UNC13C: variants seen among roughly 807,000 people sequenced by gnomAD.
UNC13C encodes unc-13 homolog C.
A neutral mutation model predicts 245.4 loss-of-function variants in UNC13C; 174 were observed. The ratio of observed to expected loss-of-function variants is 0.71; its 90% CI spans 0.63 to 0.80. The LOEUF (loss-of-function observed/expected upper bound fraction) is 0.80. UNC13C is among the 30% of genes least tolerant of loss of function. UNC13C has a pLI of 0.00. For missense variants in UNC13C, 2,829 were observed against 2,602.9 expected, an observed-to-expected ratio of 1.09 and a Z score of -1.89; for synonymous variants, 992 against 895.1, an observed-to-expected ratio of 1.11 and a Z score of -1.93.
chr15:54,043,295 C>G (rs940781997), intron 2 of UNC13C, among the ~76,000 whole-genome samples: 1 of 152,182 alleles, frequency 6.6e-6, no homozygotes. Flanking sequence ...ATTTGGGCAA[C>G]ATTTACACTG....
chr15:54,472,255 T>A (rs1567304935), intron 19 of UNC13C, among the ~76,000 whole-genome samples: 1 of 151,780 alleles, frequency 6.6e-6, no homozygotes. Flanking sequence ...TTTCCTCTTC[T>A]CCTTGTTTGT....
At chr15:54,405,332 G>C (rs2040269072) in intron 18 of UNC13C, among the ~76,000 whole-genome samples, 1 of 152,032 alleles carries the variant, frequency 6.6e-6, no homozygotes, top group South Asian at 2.1e-4. Context: ...ATATTATACT[G>C]CTATGTATTA....
the UNC13C span, among the ~76,000 whole-genome samples, chr15:53,964,048 C>G: frequency 6.6e-6 from 1 of 152,062 alleles, no homozygotes; most frequent in African/African-American, 2.4e-5. Context: ...AAGAAATGGT[C>G]TTTACCCATT....
chr15:54,218,922 C>G (rs781589943), intron 4 of UNC13C, among the ~76,000 whole-genome samples: 27 of 152,116 alleles, frequency 1.8e-4, no homozygotes, highest in African/African-American at 6.3e-4. Flanking sequence ...AGGAGAACTA[C>G]AAACCACTGC....
chr15:54,338,552 T>C (rs2038650593), intron 17 of UNC13C, 63 bp downstream of exon 17: 2 of 1,561,628 alleles, frequency 1.3e-6, no homozygotes, highest in Non-Finnish European at 1.8e-6. Flanking sequence ...TTTCCATAAG[T>C]TTAGCATAAT....
At chr15:53,915,539 A>G in the UNC13C span, among the ~76,000 whole-genome samples, 2 of 152,210 alleles carry the variant, frequency 1.3e-5, no homozygotes, top group African/African-American at 4.8e-5. Context: ...GTAATACGTA[A>G]TGTTTTCATA....
chr15:53,944,026 G>A, the UNC13C span, among the ~76,000 whole-genome samples: 1 of 151,802 alleles, frequency 6.6e-6, no homozygotes, highest in African/African-American at 2.4e-5. Context: ...GAAGTTTCTG[G>A]TAGACAGCAT....
chr15:54,342,031 C>G (rs1229151434), intron 17 of UNC13C, among the ~76,000 whole-genome samples: 1 of 151,790 alleles, frequency 6.6e-6, no homozygotes, highest in Non-Finnish European at 1.5e-5. Flanking sequence ...CATCCTACTC[C>G]TTTTTTGTCC....
chr15:54,412,357 A>G (rs2040433472), intron 18 of UNC13C, among the ~76,000 whole-genome samples: 1 of 152,158 alleles, frequency 6.6e-6, no homozygotes, highest in Non-Finnish European at 1.5e-5. Context: ...ACAAGGCAGG[A>G]GGAGAGAGGC....
chr15:54,579,319 T>C (rs1898101106), intron 30 of UNC13C, among the ~76,000 whole-genome samples: 1 of 152,150 alleles, frequency 6.6e-6, no homozygotes. Flanking sequence ...GAATTATAAT[T>C]TTATTTAAAA....
At chr15:54,007,108 T>A (rs1398133026) in intron 1 of UNC13C, among the ~76,000 whole-genome samples, 1 of 152,210 alleles carries the variant, frequency 6.6e-6, no homozygotes, top group Non-Finnish European at 1.5e-5. Flanking sequence ...TTGAAAGAAT[T>A]TCTTTTAAAT....
chr15:54,332,305 C>CTGTGTGTGTGTGTGTGTGTGTGTGTGTG (rs34179914), intron 15 of UNC13C, among the ~76,000 whole-genome samples, 194 bp downstream of exon 15: 6 of 145,676 alleles, frequency 4.1e-5, no homozygotes, highest in African/African-American at 1.5e-4. Flanking sequence ...CAACAATACT[C>CTGTGTGTGTGTGTGTGTGTGTGTGTGTG]TGTGTGTGTG....
chr15:54,172,628 AT>A (rs1294604781), intron 4 of UNC13C, among the ~76,000 whole-genome samples: 3 of 148,034 alleles, frequency 2.0e-5, no homozygotes, highest in Admixed American at 6.8e-5. Context: ...TTCTATAAAT[AT>A]TTTTATATGA....
intron 17 of UNC13C, among the ~76,000 whole-genome samples, chr15:54,362,064 C>T (rs1434344381): frequency 6.6e-6 from 1 of 152,184 alleles, no homozygotes; most frequent in Non-Finnish European, 1.5e-5. Context: ...CCTACTGTAG[C>T]TCTATGGCTC....
At chr15:54,242,011 A>G (rs986908690) in intron 7 of UNC13C, among the ~76,000 whole-genome samples, 3 of 152,216 alleles carry the variant, frequency 2.0e-5, no homozygotes, top group African/African-American at 7.2e-5. Context: ...TGTAGGGCCT[A>G]GGGCAAGTTA....
intron 4 of UNC13C, among the ~76,000 whole-genome samples, chr15:54,183,356 T>C (rs1208130722): frequency 2.0e-5 from 3 of 151,082 alleles, no homozygotes; most frequent in Admixed American, 6.7e-5. Flanking sequence ...GAGAATGTTT[T>C]CTGAATTTAG....
intron 19 of UNC13C, among the ~76,000 whole-genome samples, chr15:54,470,561 T>C (rs189226733): frequency 4.0e-5 from 6 of 151,714 alleles, no homozygotes; most frequent in African/African-American, 1.4e-4. Context: ...CTTATGATCC[T>C]TTGTACTTTG....
At chr15:54,485,909 C>T (rs577240026) in intron 19 of UNC13C, among the ~76,000 whole-genome samples, 72 of 152,288 alleles carry the variant, frequency 4.7e-4, no homozygotes, top group African/African-American at 1.6e-3. Flanking sequence ...GAGCCACCTT[C>T]CGTGAGCACC....
chr15:54,377,563 T>A (rs987841703), intron 17 of UNC13C, among the ~76,000 whole-genome samples: 1 of 152,246 alleles, frequency 6.6e-6, no homozygotes, highest in Admixed American at 6.5e-5. Flanking sequence ...CAGACTGTTA[T>A]AAGAAAAGTC....
Sources: gnomAD v4.1 joint callset for allele counts (sites outside exome capture counted in the v4.1 genomes callset) on GRCh38, gnomAD v4.1.1 for gene constraint, MANE v1.5 for transcripts, NCBI Gene and HGNC (gene_info 2026-07-23, HGNC 2026-07-21) for gene names.